The following UGGT2 variants were observed in gnomAD, a reference collection of about 807,000 sequenced individuals.
The protein encoded by UGGT2 is UDP-glucose glycoprotein glucosyltransferase 2, also known as UDP-glucose:glycoprotein glucosyltransferase 2.
A neutral mutation model predicts 192.1 loss-of-function variants in UGGT2; 180 were observed. The observed-to-expected ratio is 0.94, with a 90% CI of 0.83 to 1.06. The LOEUF (loss-of-function observed/expected upper bound fraction) is 1.06, where lower values mean the gene tolerates loss of function less well. UGGT2 is among the 50% of genes least tolerant of loss of function. The pLI, the probability that UGGT2 is intolerant of heterozygous loss-of-function variation, is 0.00. For missense variants in UGGT2, 1,849 were observed against 1,795.7 expected, an observed-to-expected ratio of 1.03 and a Z score of -0.54; for synonymous variants, 580 against 591.0, an observed-to-expected ratio of 0.98 and a Z score of 0.27.
rs374361659 is a variant in UGGT2, at chr13:96,000,907, A to G, written c.661-1600T>C. 9.5e-4 allele frequency among the ~76,000 whole-genome samples: 145 copies of G among 152,332 alleles called. 1 individual carries two copies. Among genetic ancestry groups the G allele is most frequent in the Middle Eastern group, 3.4e-3 (1 of 294 alleles). On this transcript the variant is annotated intron_variant, in intron 5 of 38. Transcript: ENST00000376747. Reference sequence around the variant, plus strand: ...TTTTCTATTTCCCCCACAAAAAGGCATATGTTAAAAATGTAGCATAAATAT... The same window carrying G: ...TTTTCTATTTCCCCCACAAAAAGGCGTATGTTAAAAATGTAGCATAAATAT...
At chr13:95,934,649 C>G (rs780161681) in intron 17 of UGGT2, among the ~76,000 whole-genome samples, 11 of 152,146 alleles carry the variant, frequency 7.2e-5, no homozygotes, top group Admixed American at 1.3e-4. Flanking sequence ...GTAGCTGGGA[C>G]TACAGGCACC....
chr13:95,867,252 T>G, intron 30 of UGGT2, 87 bp downstream of exon 30: 4 of 1,176,420 alleles, frequency 3.4e-6, no homozygotes, highest in Non-Finnish European at 4.8e-6. Flanking sequence ...TAAAGTTAAT[T>G]GTAAAATAAA....
chr13:95,926,976 T>C (rs1349728020), intron 19 of UGGT2, 52 bp downstream of exon 19: 1 of 1,484,562 alleles, frequency 6.7e-7, no homozygotes, highest in African/African-American at 1.4e-5. Flanking sequence ...CTTATGAACA[T>C]TACAAGTTTC....
chr13:96,032,066 A>G, intron 1 of UGGT2, 95 bp from the exon 2 acceptor site: 1 of 746,970 alleles, frequency 1.3e-6, no homozygotes, highest in Non-Finnish European at 2.1e-6. Flanking sequence ...TATCTATGGC[A>G]AAAACAAAAA....
rs2049039128 is a variant in UGGT2, at chr13:95,927,100, T to C, written c.2128A>G (p.Thr710Ala). Residue 710 changes from threonine to alanine, a missense_variant, in exon 19 of 39, where the codon ACT becomes GCT. Transcript: ENST00000376747. Reference protein sequence around the residue: ...SVTADVEDFSTFFFLDSQDKS... With the variant: ...SVTADVEDFSAFFFLDSQDKS... ...TCTTGTGAATCCAAGAAAAAGAAAGTAGAGAAATCTTCAACATCAGCAGTT... is the reference window on the plus strand; with the variant it reads ...TCTTGTGAATCCAAGAAAAAGAAAGCAGAGAAATCTTCAACATCAGCAGTT... 1 of 1,611,370 alleles carries C rather than the reference T, an allele frequency of 6.2e-7. No homozygotes were observed. Among genetic ancestry groups the C allele is most frequent in the Admixed American group, 1.7e-5 (1 of 59,374 alleles).
chr13:96,047,768 T>C (rs1268807717), intron 1 of UGGT2, among the ~76,000 whole-genome samples: 1 of 152,174 alleles, frequency 6.6e-6, no homozygotes, highest in Non-Finnish European at 1.5e-5. Context: ...AAGGGATTAA[T>C]TCAACAAGAA....
intron 25 of UGGT2, among the ~76,000 whole-genome samples, chr13:95,889,247 A>C (rs555918879): frequency 1.1e-4 from 17 of 152,308 alleles, no homozygotes; most frequent in Non-Finnish European, 2.4e-4. Context: ...TGAATAGTGT[A>C]TCTCAAGACA....
intron 29 of UGGT2, among the ~76,000 whole-genome samples, chr13:95,873,314 T>G (rs761148503): frequency 6.6e-6 from 1 of 152,244 alleles, no homozygotes; most frequent in Non-Finnish European, 1.5e-5. Context: ...TTAGAACATA[T>G]AATAGTCACT....
chr13:96,013,296 C>G lies in UGGT2; in HGVS notation c.660+11G>C, dbSNP rs773728807. The G allele has an allele frequency of 6.5e-7, 1 of 1,540,876 alleles. No homozygotes were observed. The highest frequency in any genetic ancestry group is 2.5e-5 in the East Asian group (1 of 40,518). On this transcript the variant is annotated intron_variant, in intron 5 of 38. Transcript: ENST00000376747. Reference sequence around the variant, plus strand: ...CAGCCAAAAGCAACCTTGGAAAAAACAAGCGCATACCTGAATATAATGGCG... The same window carrying G: ...CAGCCAAAAGCAACCTTGGAAAAAAGAAGCGCATACCTGAATATAATGGCG...
At chr13:96,000,014 T>G (rs1431167710) in intron 5 of UGGT2, among the ~76,000 whole-genome samples, 1 of 152,222 alleles carries the variant, frequency 6.6e-6, no homozygotes, top group Non-Finnish European at 1.5e-5. Context: ...GAAGTCACCA[T>G]ATTTTATTCA....
chr13:96,009,543 C>T (rs979256528), intron 5 of UGGT2, among the ~76,000 whole-genome samples: 7 of 152,358 alleles, frequency 4.6e-5, no homozygotes, highest in Middle Eastern at 3.4e-3. Flanking sequence ...GACGCAGTGG[C>T]TCACGCCTGT....
At chr13:95,972,728 A>AG in intron 10 of UGGT2, 57 bp from the exon 11 acceptor site, 2 of 1,270,780 alleles carry the variant, frequency 1.6e-6, no homozygotes, top group East Asian at 2.3e-5. Context: ...GACCTATATT[A>AG]GGGGTCACCA....
chr13:95,836,380 C>G (rs559312943), intron 37 of UGGT2, among the ~76,000 whole-genome samples: 21 of 152,244 alleles, frequency 1.4e-4, no homozygotes, highest in South Asian at 4.1e-4. Context: ...AGTCCTTTTG[C>G]AGAAAAGAGT....
intron 1 of UGGT2, among the ~76,000 whole-genome samples, chr13:96,046,866 C>T (rs1017424736): frequency 5.3e-5 from 8 of 152,206 alleles, no homozygotes; most frequent in African/African-American, 1.9e-4. Context: ...GAGCCTCCCT[C>T]ATTGCTAGCA....
At chr13:95,892,762 C>T (rs2140243004) in intron 24 of UGGT2, among the ~76,000 whole-genome samples, 1 of 152,302 alleles carries the variant, frequency 6.6e-6, no homozygotes, top group East Asian at 1.9e-4. Flanking sequence ...AATAATTACA[C>T]TTCATCTGAA....
At chr13:95,970,005 C>T (rs907371076) in intron 12 of UGGT2, 107 bp downstream of exon 12, 8 of 1,181,112 alleles carry the variant, frequency 6.8e-6, no homozygotes, top group Non-Finnish European at 8.5e-6. Flanking sequence ...TCACTGAGAA[C>T]TGTTCCAAAA....
intron 7 of UGGT2, chr13:95,991,619 G>A (rs1459771770): frequency 4.8e-6 from 1 of 206,928 alleles, no homozygotes; most frequent in Non-Finnish European, 1.0e-5. Flanking sequence ...AAATTGCTAT[G>A]ATAATAAAAG....
At chr13:96,003,242 C>G (rs771469527) in intron 5 of UGGT2, among the ~76,000 whole-genome samples, 6 of 152,260 alleles carry the variant, frequency 3.9e-5, no homozygotes, top group Admixed American at 6.5e-5. Context: ...TGTTTACAGT[C>G]CTCCCCTGGG....
chr13:95,976,659 C>T (rs2050946948), intron 10 of UGGT2, among the ~76,000 whole-genome samples: 1 of 152,130 alleles, frequency 6.6e-6, no homozygotes, highest in African/African-American at 2.4e-5. Flanking sequence ...ATGCTATTCC[C>T]ATCAAGCTAC....
Sources: gnomAD v4.1 joint callset for allele counts (sites outside exome capture counted in the v4.1 genomes callset) on GRCh38, gnomAD v4.1.1 for gene constraint, MANE v1.5 for transcripts, NCBI Gene and HGNC (gene_info 2026-07-23, HGNC 2026-07-21) for gene names.